The following BMP2K variants were observed in gnomAD, a reference collection of about 807,000 sequenced individuals.
BMP2K encodes BMP-2-inducible protein kinase.
Under a neutral mutation model 116.0 loss-of-function variants are expected in BMP2K, and 74 were observed. The ratio of observed to expected loss-of-function variants is 0.64; its 90% CI spans 0.53 to 0.77. BMP2K has a LOEUF of 0.77. Ranked by LOEUF, BMP2K falls within the 30% of genes least tolerant of loss-of-function variation. The pLI, the probability that BMP2K is intolerant of heterozygous loss-of-function variation, is 0.00. For missense variants in BMP2K, 1,365 were observed against 1,403.6 expected (o/e 0.97, Z 0.44); for synonymous variants, 486 against 502.5 (o/e 0.97, Z 0.44).
At chr4:78,795,331 G>A (rs944223681) in intron 1 of BMP2K, among the ~76,000 whole-genome samples, 1 of 152,144 alleles carries the variant, frequency 6.6e-6, no homozygotes, top group Non-Finnish European at 1.5e-5. Flanking sequence ...TAACTGTTGT[G>A]AGATAATTGC....
intron 1 of BMP2K, among the ~76,000 whole-genome samples, chr4:78,824,965 G>T (rs1293510972): frequency 6.6e-6 from 1 of 152,172 alleles, no homozygotes; most frequent in Non-Finnish European, 1.5e-5. Context: ...ACTTTGGGGG[G>T]ACAAGGCGGG....
intron 1 of BMP2K, among the ~76,000 whole-genome samples, chr4:78,805,589 A>G (rs1395429459): frequency 6.6e-6 from 1 of 152,164 alleles, no homozygotes; most frequent in Non-Finnish European, 1.5e-5. Flanking sequence ...TAAGTTTATT[A>G]CTAAATATTT....
At position 78,912,448 on chromosome 4, in the gene BMP2K, G is replaced by T. The variant is rs1734697009; in HGVS notation, c.*415G>T. On this transcript the variant is annotated 3_prime_UTR_variant, in exon 16 of 16. Coordinates refer to ENST00000502613, the MANE Select transcript of BMP2K (RefSeq NM_198892.2). Reference sequence around the variant, plus strand: ...TTCTACATACACTAGTTACACTTGTGAATTTTTTTTAAGGTCTCTTTTAAT... The same window carrying T: ...TTCTACATACACTAGTTACACTTGTTAATTTTTTTTAAGGTCTCTTTTAAT... 1 of 157,462 alleles carries T rather than the reference G, an allele frequency of 6.4e-6. No homozygotes were observed. Among genetic ancestry groups the T allele is most frequent in the Admixed American group, 6.3e-5 (1 of 15,864 alleles). 9.8% of individuals were successfully genotyped at this position (157,462 alleles called of 1,614,324 possible). A position where few individuals can be genotyped will look rare whatever the true frequency, so the allele number is the denominator to read the frequency against.
At chr4:78,886,231 C>T (rs1733076905) in intron 14 of BMP2K, among the ~76,000 whole-genome samples, 3 of 152,118 alleles carry the variant, frequency 2.0e-5, no homozygotes, top group Admixed American at 2.0e-4. Flanking sequence ...ACTCAAAACA[C>T]ACCGGGCCTC....
At chr4:78,801,741 T>A (rs1320811359) in intron 1 of BMP2K, among the ~76,000 whole-genome samples, 1 of 152,214 alleles carries the variant, frequency 6.6e-6, no homozygotes, top group East Asian at 1.9e-4. Context: ...GTTATAACTC[T>A]GTGCCTCACC....
intron 15 of BMP2K, among the ~76,000 whole-genome samples, chr4:78,893,718 A>C (rs974372641): frequency 2.0e-5 from 3 of 152,128 alleles, no homozygotes; most frequent in African/African-American, 7.2e-5. Flanking sequence ...ATGCACTACA[A>C]CACCTGCGAA....
At position 78,904,754 on chromosome 4, in the gene BMP2K, A is replaced by G. The variant is rs372774645; in HGVS notation, c.2063-5856A>G. Among the ~76,000 whole-genome samples, 72 of 152,088 alleles carry G rather than the reference A, an allele frequency of 4.7e-4. 1 individual carries two copies. The East Asian group carries it at 0.01, about 21-fold the overall frequency. ...TATTCTGTTCCAAGTTCTTTTGTTA[A>G]GTAGACGTATACCTTCATTTAAGTT... On this transcript the variant is annotated intron_variant, in intron 15 of 15. Transcript: ENST00000502613.
At chr4:78,799,261 T>G (rs1728451645) in intron 1 of BMP2K, among the ~76,000 whole-genome samples, 1 of 134,792 alleles carries the variant, frequency 7.4e-6, no homozygotes, top group Non-Finnish European at 1.7e-5. Flanking sequence ...TGATTGTCCG[T>G]TTTTTTTTTG....
At chr4:78,872,303 CTTTTTTTTTTT>C (rs34599936) in intron 12 of BMP2K, 6 of 92,308 alleles carry the variant, frequency 6.5e-5, no homozygotes, top group Admixed American at 3.5e-4. Flanking sequence ...ATAATTTGAC[CTTTTTTTTTTT>C]TTTTTTTTTT....
rs892217297 is a variant in BMP2K, at chr4:78,915,153, T to G, written c.*3120T>G. 1.3e-5 allele frequency: 2 copies of G among 152,022 alleles called. No individual in the cohort carries two copies. Among genetic ancestry groups the G allele is most frequent in the Non-Finnish European group, 2.9e-5 (2 of 67,918 alleles). The allele number at this position is 152,022 out of a possible 1,614,324, so 9.4% of individuals were successfully genotyped here. A position where few individuals can be genotyped will look rare whatever the true frequency, so the allele number is the denominator to read the frequency against. ...CCTTACCCCAATCCCTGTGTACGTG[T>G]TGGGTATAGTTACGACATTATCCGG... On this transcript the variant is annotated 3_prime_UTR_variant, in exon 16 of 16. Coordinates refer to ENST00000502613, the MANE Select transcript of BMP2K (RefSeq NM_198892.2).
Position 78,915,144 on chromosome 4 carries a change from G to C in BMP2K, c.*3111G>C, listed in dbSNP as rs1734933890. 1 of 151,974 alleles carries C rather than the reference G, an allele frequency of 6.6e-6. No homozygotes were observed. The allele number at this position is 151,974 out of a possible 1,614,324, so 9.4% of individuals were successfully genotyped here. ...ATTATTTTCCCTTACCCCAATCCCTGTGTACGTGTTGGGTATAGTTACGAC... is the reference window on the plus strand; with the variant it reads ...ATTATTTTCCCTTACCCCAATCCCTCTGTACGTGTTGGGTATAGTTACGAC... On this transcript the variant is annotated 3_prime_UTR_variant, in exon 16 of 16. Transcript: ENST00000502613.
chr4:78,903,924 G>A (rs938211176), intron 15 of BMP2K, among the ~76,000 whole-genome samples: 4 of 151,940 alleles, frequency 2.6e-5, no homozygotes, highest in Non-Finnish European at 5.9e-5. Flanking sequence ...AGAGTTTTAA[G>A]CCAGTGTCAG....
chr4:78,857,111 C>G (rs1341195215), intron 7 of BMP2K, among the ~76,000 whole-genome samples: 1 of 152,116 alleles, frequency 6.6e-6, no homozygotes, highest in Admixed American at 6.6e-5. Context: ...ACTCCACACA[C>G]AGAATACACA....
chr4:78,892,255 C>A (rs528578137), intron 15 of BMP2K, among the ~76,000 whole-genome samples: 4 of 152,138 alleles, frequency 2.6e-5, no homozygotes, highest in African/African-American at 9.6e-5. Flanking sequence ...TATTTAATAT[C>A]TTTAATAGTT....
intron 1 of BMP2K, among the ~76,000 whole-genome samples, chr4:78,782,548 G>A (rs929796385): frequency 6.6e-6 from 1 of 152,150 alleles, no homozygotes; most frequent in African/African-American, 2.4e-5. Context: ...GACCATCAAA[G>A]GTTTTGTACT....
intron 4 of BMP2K, among the ~76,000 whole-genome samples, chr4:78,844,631 A>C (rs1452742575): frequency 2.0e-5 from 3 of 151,598 alleles, no homozygotes; most frequent in Non-Finnish European, 4.4e-5. Flanking sequence ...CTGGGTTGGA[A>C]GAAGCATTTC....
At chr4:78,794,558 A>C (rs1728161913) in intron 1 of BMP2K, among the ~76,000 whole-genome samples, 1 of 152,146 alleles carries the variant, frequency 6.6e-6, no homozygotes, top group Non-Finnish European at 1.5e-5. Context: ...GCATGTGTTA[A>C]AGTGGTAATC....
chr4:78,867,193 A>G (rs1177281449), intron 10 of BMP2K, among the ~76,000 whole-genome samples: 1 of 151,826 alleles, frequency 6.6e-6, no homozygotes, highest in Admixed American at 6.6e-5. Context: ...AGAAAAAAAG[A>G]AAAAAAAGCA....
In BMP2K at chr4:78,823,418, A is replaced by G. The variant is rs570639098; in HGVS notation, c.179-2619A>G. On this transcript the variant is annotated intron_variant, in intron 1 of 15. Coordinates refer to ENST00000502613, the MANE Select transcript of BMP2K (RefSeq NM_198892.2). ...TCTTCCATCTAATAAACAATTTAAA[A>G]CATATACAAGAGTAAAATAGTATAA... is the stretch of plus-strand genomic sequence containing the variant. 8.6e-5 allele frequency among the ~76,000 whole-genome samples: 13 copies of G among 151,290 alleles called. No homozygotes were observed. The East Asian group carries it at 2.5e-3, about 29-fold the overall frequency.
Sources: gnomAD v4.1 joint callset for allele counts (sites outside exome capture counted in the v4.1 genomes callset) on GRCh38, gnomAD v4.1.1 for gene constraint, MANE v1.5 for transcripts, NCBI Gene and HGNC (gene_info 2026-07-23, HGNC 2026-07-21) for gene names.